PCDHGA4: variants seen among roughly 807,000 people sequenced by gnomAD.
PCDHGA4 encodes protocadherin gamma subfamily A, 4.
In PCDHGA4, 38 loss-of-function variants were observed where a neutral mutation model predicts 54.6. The observed-to-expected ratio is 0.70, with a 90% CI of 0.54 to 0.91. The LOEUF is 0.91. Ranked by LOEUF, PCDHGA4 falls within the 40% of genes least tolerant of loss-of-function variation. The pLI, the probability that PCDHGA4 is intolerant of heterozygous loss-of-function variation, is 0.00. For missense variants in PCDHGA4, 1,298 were observed against 1,220.9 expected (o/e 1.06, Z -0.94); for synonymous variants, 511 against 512.9 (o/e 1.00, Z 0.05).
intron 1 of PCDHGA4, chr5:141,418,165 T>G (rs1296752918): frequency 6.2e-7 from 1 of 1,614,034 alleles, no homozygotes. Flanking sequence ...GAAGAAGATG[T>G]GAGTTGCAAT....
At chr5:141,453,451 T>C (rs1052905667) in intron 1 of PCDHGA4, among the ~76,000 whole-genome samples, 1 of 152,096 alleles carries the variant, frequency 6.6e-6, no homozygotes, top group Non-Finnish European at 1.5e-5. Flanking sequence ...TTTTTGAATA[T>C]GTAAAACATT....
intron 1 of PCDHGA4, chr5:141,399,616 C>G (rs777443975): frequency 6.2e-7 from 1 of 1,613,962 alleles, no homozygotes. Flanking sequence ...GCCTCTGGCA[C>G]TGGCCTCTTA....
rs373889341 is a variant in PCDHGA4 at position 141,356,719 on chromosome 5, A to G, written c.1612A>G (p.Ile538Val). Residue 538 changes from isoleucine to valine, a missense_variant, in exon 1 of 4, where the codon ATC becomes GTC. Transcript: ENST00000571252. ...QGAPLSSYVS[I>V]NSNTGILYAL... Reference sequence around the variant, plus strand: ...TGCACCTCTGTCCTCCTATGTCTCCATCAACTCCAATACAGGGATCCTATA... The same window carrying G: ...TGCACCTCTGTCCTCCTATGTCTCCGTCAACTCCAATACAGGGATCCTATA... The G allele has an allele frequency of 2.5e-6, 4 of 1,613,854 alleles. No individual in the cohort carries two copies. Among genetic ancestry groups the G allele is most frequent in the Non-Finnish European group, 3.4e-6 (4 of 1,179,892 alleles).
At chr5:141,410,022 A>C (rs557770094) in intron 1 of PCDHGA4, 2 of 1,613,094 alleles carry the variant, frequency 1.2e-6, no homozygotes, top group South Asian at 2.2e-5. Context: ...CTGTCCTACC[A>C]CGTGCTGCAG....
intron 2 of PCDHGA4, among the ~76,000 whole-genome samples, chr5:141,496,557 C>T (rs190275684): frequency 2.0e-5 from 3 of 152,258 alleles, no homozygotes; most frequent in Admixed American, 1.3e-4. Flanking sequence ...TGGGCATGCA[C>T]AGTCCTGTCA....
intron 1 of PCDHGA4, chr5:141,427,440 G>C (rs747459662): frequency 4.2e-6 from 2 of 477,366 alleles, no homozygotes; most frequent in African/African-American, 2.0e-5. Flanking sequence ...CCTCATAAAC[G>C]AAAGAGTTCC....
At chr5:141,469,104 C>G (rs1046234848) in intron 1 of PCDHGA4, among the ~76,000 whole-genome samples, 3 of 151,760 alleles carry the variant, frequency 2.0e-5, no homozygotes, top group Middle Eastern at 3.2e-3. Flanking sequence ...AAGCAAGAAC[C>G]TGTCTCTAAA....
rs754972380 is a variant in PCDHGA4 at position 141,362,072 on chromosome 5, T to C, written c.2514+4451T>C. 9 of 1,612,630 alleles carry C rather than the reference T, an allele frequency of 5.6e-6. No individual in the cohort carries two copies. In the East Asian group the frequency reaches 1.3e-4, roughly 24 times the overall value. ...GCCCGCCAGCGCCTGCTGGTCGCTG[T>C]GCGTGATGGAGGACAGCCGCCACTC... On this transcript the variant is annotated intron_variant, in intron 1 of 3. Transcript: ENST00000571252.
intron 1 of PCDHGA4, chr5:141,423,914 A>G (rs2096790099): frequency 3.0e-5 from 38 of 1,268,116 alleles, no homozygotes; most frequent in Non-Finnish European, 3.0e-6. Flanking sequence ...GGGGCCATTC[A>G]ACTATGCTGG....
Position 141,355,044 on chromosome 5 carries a change from C to A in PCDHGA4, c.-64C>A. The stretch of plus-strand genomic sequence containing the variant: ...TCAGAATCACAAGATTTCTGCAGCA[C>A]AAAGCACTGGCTCTGGAGCTTTATG... On this transcript the variant is annotated 5_prime_UTR_variant, in exon 1 of 4. Coordinates refer to ENST00000571252, the MANE Select transcript of PCDHGA4 (RefSeq NM_018917.4). 8.8e-7 allele frequency: 1 copy of A among 1,132,086 alleles called. No homozygotes were observed. The highest frequency in any genetic ancestry group is 1.2e-6 in the Non-Finnish European group (1 of 826,892). 70.1% of individuals were successfully genotyped at this position (1,132,086 alleles called of 1,614,324 possible).
Position 141,366,619 on chromosome 5 carries a change from G to A in PCDHGA4, c.2514+8998G>A, listed in dbSNP as rs769993265. On this transcript the variant is annotated intron_variant, in intron 1 of 3. Coordinates refer to ENST00000571252, the MANE Select transcript of PCDHGA4 (RefSeq NM_018917.4). ...ACGAGGTCTCCCTCACCGCGGACTC[G>A]AGGAAGAGTCACCTGATCTTTCCCC... 5.0e-6 allele frequency: 8 copies of A among 1,614,104 alleles called. No homozygotes were observed. In the African/African-American group the frequency reaches 6.7e-5, roughly 13 times the overall value.
At chr5:141,399,434 T>C (rs937697147) in intron 1 of PCDHGA4, 1 of 1,614,008 alleles carries the variant, frequency 6.2e-7, no homozygotes. Flanking sequence ...AGCGTCATCC[T>C]ACATATCAGA....
intron 1 of PCDHGA4, among the ~76,000 whole-genome samples, chr5:141,449,543 C>T (rs377524476): frequency 2.7e-5 from 4 of 147,148 alleles, no homozygotes; most frequent in Non-Finnish European, 4.5e-5. Context: ...GAGCCGAGAT[C>T]GCACCACTGC....
At chr5:141,409,511 A>C in intron 1 of PCDHGA4, 1 of 1,614,018 alleles carries the variant, frequency 6.2e-7, no homozygotes, top group Non-Finnish European at 8.5e-7. Flanking sequence ...TTCCAGTAGA[A>C]GCATCACCTT....
At chr5:141,410,295 T>A (rs1043971768) in intron 1 of PCDHGA4, 1 of 1,613,982 alleles carries the variant, frequency 6.2e-7, no homozygotes, top group Admixed American at 1.7e-5. Flanking sequence ...GCCTTGGCCT[T>A]AATCTCAGTG....
chr5:141,477,779 A>C lies in PCDHGA4; in HGVS notation c.2515-17028A>C. ...CCTAGCCACCAACATCAGCGTGAAC[A>C]TATTTGTCACTGATCGCAATGACAA... is the stretch of plus-strand genomic sequence containing the variant. On this transcript the variant is annotated intron_variant, in intron 1 of 3. Transcript: ENST00000571252. The surrounding 1 kb of genome is among the most constrained non-coding windows in gnomAD (Gnocchi z 4.9). 1.2e-6 allele frequency: 2 copies of C among 1,614,012 alleles called. No individual in the cohort carries two copies. Among genetic ancestry groups the C allele is most frequent in the Non-Finnish European group, 1.7e-6 (2 of 1,180,020 alleles).
At chr5:141,399,779 G>T in intron 1 of PCDHGA4, 2 of 1,613,282 alleles carry the variant, frequency 1.2e-6, no homozygotes, top group South Asian at 1.1e-5. Flanking sequence ...GTGGGCGACC[G>T]AAACGACAAC....
chr5:141,383,272 G>C (rs369691483), intron 1 of PCDHGA4: 1 of 1,613,802 alleles, frequency 6.2e-7, no homozygotes, highest in Non-Finnish European at 8.5e-7. Flanking sequence ...GGAAATAATA[G>C]ATATTAATGA....
intron 1 of PCDHGA4, chr5:141,375,169 A>G: frequency 6.2e-7 from 1 of 1,614,010 alleles, no homozygotes; most frequent in South Asian, 1.1e-5. Flanking sequence ...GTGCACCTCC[A>G]GGAACAGTAA....
Sources: gnomAD v4.1 joint callset for allele counts (sites outside exome capture counted in the v4.1 genomes callset) on GRCh38, gnomAD v4.1.1 for gene constraint, Gnocchi (gnomAD v3.1) non-coding constraint, MANE v1.5 for transcripts, NCBI Gene and HGNC (gene_info 2026-07-23, HGNC 2026-07-21) for gene names.